The following CNTNAP2 variants were observed in gnomAD, a reference collection of about 807,000 sequenced individuals.
CNTNAP2 encodes the protein contactin-associated protein-like 2.
In CNTNAP2, 98 loss-of-function variants were observed where a neutral mutation model predicts 155.2. That is an observed-to-expected ratio of 0.63 (90% CI 0.54 to 0.75). The LOEUF (loss-of-function observed/expected upper bound fraction) is 0.75. Among genes scored for constraint, CNTNAP2 ranks in the 30% least tolerant of loss-of-function variants. The probability of loss-of-function intolerance (pLI) is 0.00; values close to 1 mark genes in which losing one functional copy is unlikely to be tolerated. For missense variants in CNTNAP2, 1,727 were observed against 1,688.1 expected, an observed-to-expected ratio of 1.02 and a Z score of -0.40; for synonymous variants, 651 against 631.2, an observed-to-expected ratio of 1.03 and a Z score of -0.47.
chr7:147,253,390 T>G (rs965771175), intron 8 of CNTNAP2, among the ~76,000 whole-genome samples: 3 of 151,870 alleles, frequency 2.0e-5, no homozygotes, highest in East Asian at 1.9e-4. Context: ...TCTGTTTTTT[T>G]TTTTTTTTTT....
intron 21 of CNTNAP2, among the ~76,000 whole-genome samples, chr7:148,322,763 A>G (rs1797815519): frequency 8.1e-6 from 1 of 123,168 alleles, no homozygotes; most frequent in Non-Finnish European, 1.7e-5. Flanking sequence ...CTAAATAAGT[A>G]GTTTTGTTTT....
intron 11 of CNTNAP2, among the ~76,000 whole-genome samples, chr7:147,503,552 C>T (rs1562969844): frequency 1.3e-5 from 2 of 152,142 alleles, no homozygotes; most frequent in African/African-American, 4.8e-5. Context: ...ATCCCCTAAC[C>T]TGCACCCCAG....
chr7:147,376,606 G>T (rs1380471420), intron 9 of CNTNAP2, among the ~76,000 whole-genome samples: 2 of 151,600 alleles, frequency 1.3e-5, no homozygotes, highest in East Asian at 3.9e-4. Context: ...ATTTTTCTCA[G>T]TATCAGTGAG....
intron 11 of CNTNAP2, among the ~76,000 whole-genome samples, chr7:147,524,000 C>G (rs1005692668): frequency 6.6e-6 from 1 of 152,128 alleles, no homozygotes; most frequent in Non-Finnish European, 1.5e-5. Context: ...AGTCCGTTGA[C>G]ATTGCTTACC....
intron 9 of CNTNAP2, among the ~76,000 whole-genome samples, chr7:147,331,037 T>A (rs1390140214): frequency 6.6e-6 from 1 of 152,174 alleles, no homozygotes; most frequent in Non-Finnish European, 1.5e-5. Flanking sequence ...AAACTGCTCA[T>A]ACAACTAGGG....
intron 1 of CNTNAP2, among the ~76,000 whole-genome samples, chr7:146,447,115 T>A (rs1796413220): frequency 6.6e-6 from 1 of 152,054 alleles, no homozygotes; most frequent in South Asian, 2.1e-4. Context: ...CTATTCAAGT[T>A]ACATTTCAGA....
chr7:147,950,409 T>G (rs1334661130), intron 14 of CNTNAP2, among the ~76,000 whole-genome samples: 1 of 151,210 alleles, frequency 6.6e-6, no homozygotes, highest in African/African-American at 2.4e-5. Context: ...TACAGTTTTG[T>G]TTATTGTGCT....
intron 3 of CNTNAP2, among the ~76,000 whole-genome samples, chr7:146,921,249 A>G (rs974050300): frequency 6.6e-6 from 1 of 152,196 alleles, no homozygotes; most frequent in African/African-American, 2.4e-5. Context: ...CAGAATTGCA[A>G]CATAAAAAGG....
At chr7:147,184,195 A>T (rs1802520438) in intron 8 of CNTNAP2, among the ~76,000 whole-genome samples, 2 of 152,120 alleles carry the variant, frequency 1.3e-5, no homozygotes, top group Non-Finnish European at 2.9e-5. Flanking sequence ...GGGCTGTTCA[A>T]AGATACATAG....
intron 1 of CNTNAP2, among the ~76,000 whole-genome samples, chr7:146,597,864 A>G (rs347181): frequency 0.82 from 124,149 of 152,116 alleles, 51,199 homozygotes; most frequent in South Asian, 0.9. Flanking sequence ...TGCTAAAATT[A>G]TAACAATCAG....
At chr7:147,276,256 C>T (rs1208870177) in intron 8 of CNTNAP2, among the ~76,000 whole-genome samples, 1 of 150,778 alleles carries the variant, frequency 6.6e-6, no homozygotes, top group Admixed American at 6.6e-5. Flanking sequence ...TCAATAGGAT[C>T]GATACCAGCT....
At chr7:146,470,801 T>G (rs1796786597) in intron 1 of CNTNAP2, among the ~76,000 whole-genome samples, 1 of 151,996 alleles carries the variant, frequency 6.6e-6, no homozygotes, top group Admixed American at 6.6e-5. Context: ...AGCTCCTGAC[T>G]TCATGATCCG....
intron 1 of CNTNAP2, among the ~76,000 whole-genome samples, chr7:146,149,927 C>G (rs958262947): frequency 1.8e-5 from 2 of 112,926 alleles, no homozygotes; most frequent in Non-Finnish European, 3.9e-5. Flanking sequence ...AAAAACAAAA[C>G]AAGGAAAACC....
At chr7:147,715,492 G>A (rs2373176) in intron 13 of CNTNAP2, among the ~76,000 whole-genome samples, 2,531 of 152,104 alleles carry the variant, frequency 0.017, 223 homozygotes, top group Admixed American at 0.15. Context: ...TTGTATACAC[G>A]TCTTTTGTCC....
At chr7:146,204,919 A>G (rs990223647) in intron 1 of CNTNAP2, among the ~76,000 whole-genome samples, 1 of 152,056 alleles carries the variant, frequency 6.6e-6, no homozygotes, top group African/African-American at 2.4e-5. Flanking sequence ...TAAAATGTAT[A>G]AAATATACTT....
At chr7:146,912,523 A>G (rs903513070) in intron 3 of CNTNAP2, among the ~76,000 whole-genome samples, 13 of 152,230 alleles carry the variant, frequency 8.5e-5, no homozygotes, top group East Asian at 5.8e-4. Flanking sequence ...TTTTAAATTA[A>G]TCTTTTGGTA....
At chr7:148,161,121 T>C (rs1805528079) in intron 17 of CNTNAP2, among the ~76,000 whole-genome samples, 1 of 152,196 alleles carries the variant, frequency 6.6e-6, no homozygotes, top group Non-Finnish European at 1.5e-5. Context: ...TATCTCCAAC[T>C]AATTCTTATT....
chr7:147,472,566 T>C (rs962363606), intron 10 of CNTNAP2, among the ~76,000 whole-genome samples: 8 of 152,042 alleles, frequency 5.3e-5, no homozygotes, highest in Non-Finnish European at 1.0e-4. Flanking sequence ...TGCCATTTTA[T>C]TGAGAATGAA....
At chr7:147,510,670 T>A (rs974158733) in intron 11 of CNTNAP2, among the ~76,000 whole-genome samples, 2 of 151,566 alleles carry the variant, frequency 1.3e-5, no homozygotes, top group Non-Finnish European at 2.9e-5. Context: ...AGTACACTCA[T>A]AAATTTTGAA....
Sources: gnomAD v4.1 joint callset for allele counts (sites outside exome capture counted in the v4.1 genomes callset) on GRCh38, gnomAD v4.1.1 for gene constraint, MANE v1.5 for transcripts, NCBI Gene and HGNC (gene_info 2026-07-23, HGNC 2026-07-21) for gene names.